The following CD200 variants were observed in gnomAD, a reference collection of about 807,000 sequenced individuals.
CD200 encodes the protein CD200 molecule.
CD200 carries 15 observed loss-of-function variants against 30.9 expected under a neutral mutation model. The ratio of observed to expected loss-of-function variants is 0.49; its 90% confidence interval spans 0.32 to 0.75. The LOEUF (loss-of-function observed/expected upper bound fraction) is 0.75. Among genes scored for constraint, CD200 ranks in the 30% least tolerant of loss-of-function variants. The pLI is 0.03. For synonymous variants in CD200, 134 were observed against 126.2 expected, an observed-to-expected ratio of 1.06 and a Z score of -0.41; for missense variants, 262 against 324.2, an observed-to-expected ratio of 0.81 and a Z score of 1.47.
At chr3:112,359,848 A>T (rs62264137) in intron 5 of CD200, among the ~76,000 whole-genome samples, 35,095 of 152,070 alleles carry the variant, frequency 0.23, 4,332 homozygotes, top group Non-Finnish European at 0.28. Context: ...AAAATATAGC[A>T]TGCAATGAAA....
At position 112,361,602 on chromosome 3, in the gene CD200, A is replaced by G. The variant is rs935704797; in HGVS notation, c.*52A>G. The stretch of plus-strand genomic sequence containing the variant: ...ATTCCCTGGTCTACTTGAATTTGAC[A>G]CAAGAGAAAAGCAGGAGGAAAAGGG... On this transcript the variant is annotated 3_prime_UTR_variant, in exon 6 of 6. Transcript: ENST00000315711. 7 of 1,537,690 alleles carry G rather than the reference A, an allele frequency of 4.6e-6. No individual in the cohort carries two copies. The highest frequency in any genetic ancestry group is 6.3e-6 in the Non-Finnish European group (7 of 1,110,478).
In CD200 at chr3:112,349,731, G is replaced by T. The variant is rs572884612; in HGVS notation, c.714G>T (p.Pro238=). ...TVNKGYWFSV[P]LLLSIVSLVI... ...CTATAGGCTATTGGTTTTCAGTTCC[G>T]CTATTGCTAAGCATTGTTTCCCTGG... The change falls in exon 5 of 6, where the codon CCG becomes CCT. Residue 238 remains proline (P), a synonymous_variant. Transcript: ENST00000315711. The T allele has an allele frequency of 6.2e-7, 1 of 1,610,350 alleles. No homozygotes were observed. Among genetic ancestry groups the T allele is most frequent in the South Asian group, 1.1e-5 (1 of 90,356 alleles).
At chr3:112,348,294 A>C (rs758945838) in intron 4 of CD200, among the ~76,000 whole-genome samples, 1 of 152,218 alleles carries the variant, frequency 6.6e-6, no homozygotes, top group Non-Finnish European at 1.5e-5. Flanking sequence ...GAGGGGCTCA[A>C]TCTGGGGGAG....
At chr3:112,361,131 A>G (rs2108479599) in intron 5 of CD200, among the ~76,000 whole-genome samples, 1 of 152,044 alleles carries the variant, frequency 6.6e-6, no homozygotes, top group East Asian at 1.9e-4. Flanking sequence ...CAATCTCCTG[A>G]GCTCAAGTTA....
Position 112,347,813 on chromosome 3 carries a change from A to G in CD200, c.677A>G (p.Lys226Arg). ...CACCTGGGGACTGTGACCGACTTTA[A>G]GCAAACCGTCAACAAAGGTAAGAGA... ...VLHLGTVTDF[K>R]QTVNKGYWFS... Residue 226 changes from lysine (K) to arginine (R), a missense_variant, in exon 4 of 6, where the codon AAG becomes AGG. Lys to Arg is a conservative substitution (Grantham distance 26). Transcript: ENST00000315711. The G allele has an allele frequency of 1.2e-6, 2 of 1,613,496 alleles. No homozygotes were observed. The highest frequency in any genetic ancestry group is 1.3e-5 in the African/African-American group (1 of 75,004).
chr3:112,361,567 C>T lies in CD200; in HGVS notation c.*17C>T. ...GAGCCCTAAATAAGTCACACAGCAC[C>T]CTGAAAGTGATTCCCTGGTCTACTT... On this transcript the variant is annotated 3_prime_UTR_variant, in exon 6 of 6. Transcript: ENST00000315711. 6.2e-7 allele frequency: 1 copy of T among 1,606,940 alleles called. No homozygotes were observed. The highest frequency in any genetic ancestry group is 2.2e-5 in the East Asian group (1 of 44,840).
chr3:112,348,977 A>G (rs111268897), intron 4 of CD200, among the ~76,000 whole-genome samples: 1 of 152,042 alleles, frequency 6.6e-6, no homozygotes, highest in Non-Finnish European at 1.5e-5. Context: ...TTACCAAAAA[A>G]CTTCCATGCT....
intron 1 of CD200, chr3:112,333,655 C>T: frequency 1.0e-6 from 1 of 985,430 alleles, no homozygotes. Context: ...TCCATATTGG[C>T]ACCAAAAGCT....
At position 112,345,282 on chromosome 3, in the gene CD200, G is replaced by A. The variant is rs112085090; in HGVS notation, c.415G>A (p.Val139Ile). The A allele has an allele frequency of 3.6e-5, 58 of 1,606,384 alleles. 1 individual carries two copies. Among genetic ancestry groups the A allele is most frequent in the African/African-American group, 9.4e-5 (7 of 74,738 alleles). Residue 139 changes from valine to isoleucine, a missense_variant, in exon 3 of 6, where the codon GTC (valine) becomes ATC (isoleucine). By Grantham distance (29) the Val-to-Ile change is conservative. Transcript: ENST00000315711. ...GATCTCAGGAACGGCCTGCCTCACC[G>A]TCTATGGTGAGAATCTCTGAGAATC... ...GKISGTACLT[V>I]YVQPIVSLHY...
At chr3:112,342,556 G>A (rs2108439985) in intron 2 of CD200, among the ~76,000 whole-genome samples, 1 of 151,780 alleles carries the variant, frequency 6.6e-6, no homozygotes, top group South Asian at 2.1e-4. Flanking sequence ...CTGAGTAGCT[G>A]GGATTACAGG....
At chr3:112,354,150 A>G (rs1429171924) in intron 5 of CD200, among the ~76,000 whole-genome samples, 1 of 152,060 alleles carries the variant, frequency 6.6e-6, no homozygotes, top group African/African-American at 2.4e-5. Flanking sequence ...CTAAACCCAC[A>G]TGGGCATAGA....
chr3:112,338,098 G>A (rs989507164), intron 1 of CD200, among the ~76,000 whole-genome samples: 2 of 152,036 alleles, frequency 1.3e-5, no homozygotes, highest in Admixed American at 6.6e-5. Flanking sequence ...CCAACTATAC[G>A]GGCAAAAGTT....
chr3:112,359,580 A>G (rs1010635552), intron 5 of CD200, among the ~76,000 whole-genome samples: 7 of 152,240 alleles, frequency 4.6e-5, no homozygotes, highest in Non-Finnish European at 1.0e-4. Flanking sequence ...TAAGGAAAGT[A>G]TTTCCATCTG....
Position 112,333,220 on chromosome 3 carries a change from G to C in CD200, c.8G>C (p.Arg3Thr), listed in dbSNP as rs1240664995. Residue 3 changes from arginine (R) to threonine (T), a missense_variant, in exon 1 of 6, where the codon AGG (arginine) becomes ACG (threonine). By Grantham distance (71) the Arg-to-Thr change is moderately conservative. Transcript: ENST00000315711. ME[R>T]LVIRMPFSHL... ...GCGCCTCCAGGAGCAAGGATGGAGA[G>C]GCTGGTGAGCGGGGCCGGGGCTTGG... 5.2e-6 allele frequency: 8 copies of C among 1,550,214 alleles called. No homozygotes were observed. In the East Asian group the frequency reaches 2.0e-4, roughly 38 times the overall value.
chr3:112,359,143 G>A (rs1044536423), intron 5 of CD200, among the ~76,000 whole-genome samples: 2 of 152,084 alleles, frequency 1.3e-5, no homozygotes, highest in African/African-American at 4.8e-5. Flanking sequence ...GAGGGAGAAA[G>A]ATATATAGAA....
intron 2 of CD200, among the ~76,000 whole-genome samples, chr3:112,342,043 A>G (rs1406610166): frequency 2.6e-5 from 4 of 151,662 alleles, no homozygotes; most frequent in East Asian, 1.9e-4. Context: ...TTTTTTTTCT[A>G]CTTATACTTG....
chr3:112,342,411 T>C lies in CD200; in HGVS notation c.94+1428T>C, dbSNP rs1209701215. On this transcript the variant is annotated intron_variant, in intron 2 of 5. Coordinates refer to ENST00000315711, the MANE Select transcript of CD200 (RefSeq NM_005944.7). The stretch of plus-strand genomic sequence containing the variant: ...TTTCTTTCTTTCTTTCTTTCTTTCT[T>C]TCTTTCTTTCTTTCTTTCTTCTCTC... Among the ~76,000 whole-genome samples the C allele has an allele frequency of 2.3e-4, 18 of 77,844 alleles. 2 individuals are homozygous for C. Among genetic ancestry groups the C allele is most frequent in the African/African-American group, 5.4e-4 (11 of 20,400 alleles). 51.1% of individuals were successfully genotyped at this position (77,844 alleles called of 152,430 possible). A position where few individuals can be genotyped will look rare whatever the true frequency, so the allele number is the denominator to read the frequency against.
chr3:112,354,819 CT>C (rs765171321), intron 5 of CD200, among the ~76,000 whole-genome samples: 16 of 152,232 alleles, frequency 1.1e-4, no homozygotes, highest in African/African-American at 3.6e-4. Flanking sequence ...GGGGAGAATC[CT>C]TTTTTTCCCT....
At chr3:112,332,911 G>GAA (rs71134825), upstream of CD200, 3,623 of 402,168 alleles carry the variant, frequency 9.0e-3, no homozygotes, top group Middle Eastern at 0.014. Context: ...CAGGAAAATG[G>GAA]AAAAAAAAAA....
Sources: gnomAD v4.1 joint callset for allele counts (sites outside exome capture counted in the v4.1 genomes callset) on GRCh38, gnomAD v4.1.1 for gene constraint, MANE v1.5 for transcripts, NCBI Gene and HGNC (gene_info 2026-07-23, HGNC 2026-07-21) for gene names.